Variants in PABPN1 observed in about 807,000 individuals in gnomAD.
PABPN1 encodes the protein poly(A) binding protein nuclear 1, also known as polyadenylate-binding protein 2.
In PABPN1, 5 loss-of-function variants were observed where a neutral mutation model predicts 33.4. The ratio of observed to expected loss-of-function variants is 0.15; its 90% CI spans 0.08 to 0.32. The LOEUF is 0.32. Ranked by LOEUF, PABPN1 falls within the 10% of genes least tolerant of loss-of-function variation. The probability of loss-of-function intolerance (pLI) is 1.00; values close to 1 mark genes in which losing one functional copy is unlikely to be tolerated. For synonymous variants in PABPN1, 176 were observed against 170.6 expected (o/e 1.03, Z -0.25); for missense variants, 312 against 425.8 (o/e 0.73, Z 2.35).
At chr14:23,324,390 G>A (rs1373553290) in intron 6 of PABPN1, 101 bp downstream of exon 6, 2 of 1,473,248 alleles carry the variant, frequency 1.4e-6, no homozygotes, top group East Asian at 2.3e-5. Flanking sequence ...ACCCCTCCCC[G>A]TGGTCTTCAG....
rs1038059597 is a variant in PABPN1 at position 23,322,924 on chromosome 14, T to A, written c.467-75T>A. 3.8e-6 allele frequency: 6 copies of A among 1,596,986 alleles called. No homozygotes were observed. The Admixed American group carries it at 8.3e-5, about 22-fold the overall frequency. ...CACTGAGCTTATGGGATAGTGCTGG[T>A]GGTGGAAGTGCAACATATTGGTCAA... is the stretch of plus-strand genomic sequence containing the variant. On this transcript the variant is annotated intron_variant, in intron 2 of 6. Transcript: ENST00000216727.
In PABPN1 at chr14:23,325,526, G is replaced by T; in HGVS notation, c.*240G>T. The T allele has an allele frequency of 3.6e-6, 2 of 552,404 alleles. No homozygotes were observed. Among genetic ancestry groups the T allele is most frequent in the Non-Finnish European group, 6.3e-6 (2 of 316,196 alleles). The allele number at this position is 552,404 out of a possible 1,614,324, so 34.2% of individuals were successfully genotyped here. A position where few individuals can be genotyped will look rare whatever the true frequency, so the allele number is the denominator to read the frequency against. On this transcript the variant is annotated 3_prime_UTR_variant, in exon 7 of 7. Transcript: ENST00000216727. The stretch of plus-strand genomic sequence containing the variant: ...CAGGGGGCTGCTTATTCACTCTGGG[G>T]ATTCGCCATGGACACGTCTCAACTG...
At position 23,325,349 on chromosome 14, in the gene PABPN1, TAA is replaced by T. The variant is rs376203495; in HGVS notation, c.*76_*77del. On this transcript the variant is annotated 3_prime_UTR_variant, in exon 7 of 7. Transcript: ENST00000216727. ...AGGAAAGAAGGAAAAAAAAAAGAAT[TAA>T]AAAAAAAAAAAAGAAAAACAGAAGA... is the stretch of plus-strand genomic sequence containing the variant. 1,672 of 1,075,386 alleles carry T rather than the reference TAA, an allele frequency of 1.6e-3. No individual in the cohort carries two copies. Among genetic ancestry groups the T allele is most frequent in the Non-Finnish European group, 1.6e-3 (1,297 of 801,718 alleles). 66.6% of individuals were successfully genotyped at this position (1,075,386 alleles called of 1,614,324 possible).
intron 6 of PABPN1, 71 bp from the exon 7 acceptor site, chr14:23,325,176 C>G (rs1888652949): frequency 6.2e-7 from 1 of 1,600,648 alleles, no homozygotes; most frequent in Admixed American, 1.7e-5. Flanking sequence ...GGGGCAGGGG[C>G]CTACGGGGAG....
intron 6 of PABPN1, chr14:23,324,778 A>G (rs1020730461): frequency 2.7e-5 from 7 of 256,778 alleles, no homozygotes; most frequent in African/African-American, 1.3e-4. Context: ...CCAGTCTTGC[A>G]AGGTTAACTT....
At chr14:23,324,440 T>G in intron 6 of PABPN1, 151 bp downstream of exon 6, 1 of 1,079,234 alleles carries the variant, frequency 9.3e-7, no homozygotes, top group African/African-American at 1.6e-5. Flanking sequence ...GGAAGGTAGT[T>G]GCAGGCCAGG....
chr14:23,321,538 G>T lies in PABPN1; in HGVS notation c.69G>T (p.Arg23=). The T allele has an allele frequency of 7.7e-7, 1 of 1,302,646 alleles. No homozygotes were observed. The allele number at this position is 1,302,646 out of a possible 1,614,324, so 80.7% of individuals were successfully genotyped here. ...GCGGTCGGGGCTCCGGGCCGGGGCG[G>T]CGGCGCCATCTTGTGCCCGGGGCCG... ...AAGGRGSGPG[R]RRHLVPGAGG... The change falls in exon 1 of 7, where the codon CGG becomes CGT. Residue 23 remains arginine (R), a synonymous_variant. Coordinates refer to ENST00000216727, the MANE Select transcript of PABPN1 (RefSeq NM_004643.4).
At chr14:23,322,417 T>G in intron 2 of PABPN1, 122 bp downstream of exon 2, 1 of 855,048 alleles carries the variant, frequency 1.2e-6, no homozygotes, top group Non-Finnish European at 1.9e-6. Context: ...CTATTATGAC[T>G]GTGCCGCGGT....
intron 2 of PABPN1, chr14:23,322,594 C>G (rs1888398156): frequency 2.1e-6 from 1 of 477,852 alleles, no homozygotes; most frequent in East Asian, 4.0e-5. Context: ...ACCTTCAAAT[C>G]TAATAGTTTT....
chr14:23,325,557 G>GC lies in PABPN1; in HGVS notation c.*272dup, dbSNP rs1257932128. On this transcript the variant is annotated 3_prime_UTR_variant, in exon 7 of 7. Coordinates refer to ENST00000216727, the MANE Select transcript of PABPN1 (RefSeq NM_004643.4). ...CCATGGACACGTCTCAACTGCGCAA[G>GC]CTGCTGCCCATGTTTCCCTGCCCCA... 1 of 453,134 alleles carries GC rather than the reference G, an allele frequency of 2.2e-6. No individual in the cohort carries two copies. Among genetic ancestry groups the GC allele is most frequent in the Non-Finnish European group, 3.9e-6 (1 of 254,932 alleles). 28.1% of individuals were successfully genotyped at this position (453,134 alleles called of 1,614,324 possible).
Position 23,323,369 on chromosome 14 carries a change from C to T in PABPN1, c.535-8C>T, listed in dbSNP as rs770557501. The T allele has an allele frequency of 2.2e-5, 36 of 1,612,602 alleles. No homozygotes were observed. The highest frequency in any genetic ancestry group is 2.7e-5 in the Non-Finnish European group (32 of 1,179,822). On this transcript the variant is annotated splice_region_variant and splice_polypyrimidine_tract_variant and intron_variant, in intron 3 of 6. Coordinates refer to ENST00000216727, the MANE Select transcript of PABPN1 (RefSeq NM_004643.4). ...CTGGTGCCTGTGAAATTTTTCTCCTCTCATCAGGTGGACTATGGTGCAACA... is the reference window on the plus strand; with the variant it reads ...CTGGTGCCTGTGAAATTTTTCTCCTTTCATCAGGTGGACTATGGTGCAACA...
At chr14:23,322,854 G>C in intron 2 of PABPN1, 145 bp from the exon 3 acceptor site, 2 of 962,328 alleles carry the variant, frequency 2.1e-6, no homozygotes, top group Non-Finnish European at 3.4e-6. Context: ...ACTATTCTCG[G>C]TTGTGGGTAC....
rs1404969478 is a variant in PABPN1 at position 23,325,260 on chromosome 14, G to C, written c.895G>C (p.Ala299Pro). The C allele has an allele frequency of 1.2e-6, 2 of 1,611,678 alleles. No individual in the cohort carries two copies. The highest frequency in any genetic ancestry group is 1.7e-6 in the Non-Finnish European group (2 of 1,179,740). The change falls in exon 7 of 7, where the codon GCG becomes CCG. Residue 299 changes from alanine (A) to proline (P), a missense_variant. Around this residue, in one of 3 missense-constraint regions of PABPN1, gnomAD observed 68 missense variants for 71.1 expected, o/e 0.96. Transcript: ENST00000216727. ...RGRVYRGRAR[A>P]TSWYSPY ...TCTTTCTTCCAGGGGCCGGGCTAGAGCGACATCATGGTATTCCCCTTACTA... is the reference window on the plus strand; with the variant it reads ...TCTTTCTTCCAGGGGCCGGGCTAGACCGACATCATGGTATTCCCCTTACTA...
intron 1 of PABPN1, 93 bp from the exon 2 acceptor site, chr14:23,322,088 C>T: frequency 7.5e-7 from 1 of 1,333,292 alleles, no homozygotes; most frequent in Non-Finnish European, 1.1e-6. Context: ...AATGGCCGAG[C>T]ATGGCTGAGG....
At chr14:23,322,944 G>T in intron 2 of PABPN1, 55 bp from the exon 3 acceptor site, 2 of 1,610,992 alleles carry the variant, frequency 1.2e-6, no homozygotes, top group South Asian at 1.1e-5. Context: ...GCAACATATT[G>T]GTCAAGTAGA....
At chr14:23,325,148 C>T (rs953364779) in intron 6 of PABPN1, 99 bp from the exon 7 acceptor site, 5 of 1,535,332 alleles carry the variant, frequency 3.3e-6, no homozygotes, top group Non-Finnish European at 4.5e-6. Flanking sequence ...CTTTTCCCCC[C>T]TTCCCTTCAC....
chr14:23,325,452 C>G lies in PABPN1; in HGVS notation c.*166C>G. ...GGGGGGAGAATCCCATAACTAACTGCTGAGGAGGGACCTGCTTTGGGGAGT... is the reference window on the plus strand; with the variant it reads ...GGGGGGAGAATCCCATAACTAACTGGTGAGGAGGGACCTGCTTTGGGGAGT... On this transcript the variant is annotated 3_prime_UTR_variant, in exon 7 of 7. Transcript: ENST00000216727. 1.1e-6 allele frequency: 1 copy of G among 908,418 alleles called. No individual in the cohort carries two copies. Among genetic ancestry groups the G allele is most frequent in the Non-Finnish European group, 1.6e-6 (1 of 623,516 alleles). The allele number at this position is 908,418 out of a possible 1,614,324, so 56.3% of individuals were successfully genotyped here.
At chr14:23,324,352 C>G (rs1303097948) in intron 6 of PABPN1, 63 bp downstream of exon 6, 1 of 1,598,350 alleles carries the variant, frequency 6.3e-7, no homozygotes, top group Non-Finnish European at 8.5e-7. Context: ...GCTTCCTCCT[C>G]TCTGGTCTGA....
intron 1 of PABPN1, 151 bp from the exon 2 acceptor site, chr14:23,322,030 A>G (rs1888336966): frequency 3.4e-6 from 3 of 892,484 alleles, no homozygotes; most frequent in Admixed American, 2.2e-5. Context: ...GTGTTGTTCT[A>G]GAGAGGGTAG....
Sources: gnomAD v4.1 joint callset for allele counts on GRCh38, gnomAD v4.1.1 for gene constraint, gnomAD v4.1.1 regional missense constraint, MANE v1.5 for transcripts, NCBI Gene and HGNC (gene_info 2026-07-23, HGNC 2026-07-21) for gene names.